The following ANKRD30A variants were observed in gnomAD, a reference collection of about 807,000 sequenced individuals.
The protein encoded by ANKRD30A is ankyrin repeat domain 30A.
Under a neutral mutation model 166.3 loss-of-function variants are expected in ANKRD30A, and 170 were observed. The observed-to-expected ratio is 1.02, with a 90% CI of 0.90 to 1.16. The LOEUF (loss-of-function observed/expected upper bound fraction) is 1.16. ANKRD30A is among the 50% of genes most tolerant of loss of function. ANKRD30A has a pLI of 0.00. For synonymous variants in ANKRD30A, 564 were observed against 508.9 expected, an observed-to-expected ratio of 1.11 and a Z score of -1.46; for missense variants, 1,630 against 1,518.0, an observed-to-expected ratio of 1.07 and a Z score of -1.23.
intron 25 of ANKRD30A, among the ~76,000 whole-genome samples, chr10:37,191,220 G>C (rs71489127): frequency 2.0e-4 from 30 of 151,950 alleles, no homozygotes; most frequent in South Asian, 8.3e-4. Context: ...ATTGAGATGA[G>C]TAAGCTAGAA....
intron 31 of ANKRD30A, among the ~76,000 whole-genome samples, chr10:37,207,144 A>G (rs1312074600): frequency 6.6e-6 from 1 of 152,134 alleles, no homozygotes; most frequent in Non-Finnish European, 1.5e-5. Flanking sequence ...AACAATGAAT[A>G]TTTTATTTAC....
chr10:37,141,613 A>C (rs1837125635), intron 6 of ANKRD30A, 105 bp from the exon 7 acceptor site: 1 of 1,265,406 alleles, frequency 7.9e-7, no homozygotes, highest in Admixed American at 2.6e-5. Flanking sequence ...AAAGTTTGGT[A>C]GTATTTAAGG....
At chr10:37,147,301 A>G in intron 8 of ANKRD30A, 69 bp from the exon 9 acceptor site, 4 of 1,218,186 alleles carry the variant, frequency 3.3e-6, no homozygotes, top group Non-Finnish European at 2.3e-6. Context: ...TTTAAAAAAT[A>G]TTTTAATTAG....
intron 7 of ANKRD30A, 116 bp from the exon 8 acceptor site, chr10:37,144,879 A>T (rs1837388822): frequency 1.5e-6 from 1 of 677,946 alleles, no homozygotes; most frequent in African/African-American, 1.9e-5. Flanking sequence ...CCAATAGAAT[A>T]TACAGGCTAT....
In ANKRD30A at chr10:37,131,194, A is replaced by T. The variant is rs1836360290; in HGVS notation, c.510+816A>T. On this transcript the variant is annotated intron_variant, in intron 3 of 35. Transcript: ENST00000361713. ...ATCCTTCTCAGAATTGTCCCTTAAA[A>T]TTCAAGTGTTTTAGTGGCTTTTATT... Among the ~76,000 whole-genome samples the T allele has an allele frequency of 2.0e-5, 3 of 152,118 alleles. No individual in the cohort carries two copies. In the South Asian group the frequency reaches 6.2e-4, roughly 32 times the overall value.
intron 24 of ANKRD30A, chr10:37,178,671 A>T: frequency 1.2e-6 from 1 of 861,724 alleles, no homozygotes; most frequent in Non-Finnish European, 1.4e-6. Flanking sequence ...GAAATTATAG[A>T]TGGAAGGTAC....
chr10:37,159,075 T>C (rs986933453), intron 15 of ANKRD30A, among the ~76,000 whole-genome samples: 8 of 152,220 alleles, frequency 5.3e-5, no homozygotes, highest in African/African-American at 1.9e-4. Context: ...CAATCATTAC[T>C]TGATGACTCT....
chr10:37,182,939 G>T (rs1409822783), intron 24 of ANKRD30A, among the ~76,000 whole-genome samples: 1 of 151,326 alleles, frequency 6.6e-6, no homozygotes, highest in Non-Finnish European at 1.5e-5. Flanking sequence ...TGTACATATT[G>T]TCCTGGAACT....
chr10:37,125,930 G>C lies in ANKRD30A; in HGVS notation c.143G>C (p.Arg48Pro). Residue 48 changes from arginine to proline, a missense_variant, in exon 1 of 36, where the codon CGG (arginine) becomes CCG (proline). Physicochemically the swap from Arg to Pro is moderately radical, Grantham distance 103 (BLOSUM62 -2). This residue lies in a region of ANKRD30A where 904 missense variants were observed against 818.5 expected (regional missense o/e 1.10). Transcript: ENST00000361713. ...DLRKIHKAAS[R>P]GQVRKLEKMT... The stretch of plus-strand genomic sequence containing the variant: ...AGAAAGATCCATAAAGCTGCCTCCC[G>C]GGGACAAGTCCGGAAGCTGGAGAAG... 2 of 1,611,230 alleles carry C rather than the reference G, an allele frequency of 1.2e-6. No homozygotes were observed. The highest frequency in any genetic ancestry group is 1.7e-6 in the Non-Finnish European group (2 of 1,179,258).
chr10:37,249,150 G>T, the ANKRD30A span, among the ~76,000 whole-genome samples: 1 of 152,146 alleles, frequency 6.6e-6, no homozygotes, highest in Non-Finnish European at 1.5e-5. Context: ...TTCTGAGCCG[G>T]ATATTCCTGA....
chr10:37,126,858 GC>G (rs1437326744), intron 1 of ANKRD30A, among the ~76,000 whole-genome samples: 1 of 151,748 alleles, frequency 6.6e-6, no homozygotes, highest in Admixed American at 6.6e-5. Flanking sequence ...GATCAGCCTG[GC>G]CAATATGGTG....
intron 31 of ANKRD30A, among the ~76,000 whole-genome samples, chr10:37,201,598 G>C (rs1841632165): frequency 6.6e-6 from 1 of 152,046 alleles, no homozygotes; most frequent in African/African-American, 2.4e-5. Flanking sequence ...AGTAGTAAAA[G>C]AGGAAATGAA....
intron 25 of ANKRD30A, among the ~76,000 whole-genome samples, chr10:37,192,563 C>T (rs1840687514): frequency 1.3e-5 from 2 of 152,038 alleles, no homozygotes; most frequent in Admixed American, 1.3e-4. Flanking sequence ...TTTGAACTCT[C>T]ATCACAACTT....
At chr10:37,233,292 G>A (rs1843535666), downstream of ANKRD30A, among the ~76,000 whole-genome samples, 1 of 152,064 alleles carries the variant, frequency 6.6e-6, no homozygotes, top group Non-Finnish European at 1.5e-5. Context: ...ATATGGTCAG[G>A]GTCTAAGTGC....
chr10:37,233,132 C>A (rs1843529002), downstream of ANKRD30A, among the ~76,000 whole-genome samples: 1 of 151,922 alleles, frequency 6.6e-6, no homozygotes. Context: ...CTAAAAAATT[C>A]TAGAGGAGCA....
At chr10:37,193,771 A>G (rs548719852) in intron 27 of ANKRD30A, among the ~76,000 whole-genome samples, 91 of 152,148 alleles carry the variant, frequency 6.0e-4, no homozygotes, top group African/African-American at 2.1e-3. Context: ...TCTTGTCTAG[A>G]CACGGTGTTT....
chr10:37,146,500 C>A (rs1352945650), intron 8 of ANKRD30A, among the ~76,000 whole-genome samples: 1 of 152,124 alleles, frequency 6.6e-6, no homozygotes, highest in East Asian at 1.9e-4. Flanking sequence ...CTGTCCCTTG[C>A]AGACCCCTGA....
intron 27 of ANKRD30A, among the ~76,000 whole-genome samples, chr10:37,194,641 G>A (rs531008983): frequency 5.1e-4 from 77 of 152,226 alleles, no homozygotes; most frequent in African/African-American, 1.3e-3. Context: ...CACCGTGCCC[G>A]GCCGATGTCT....
chr10:37,131,020 G>A (rs1836350733), intron 3 of ANKRD30A, among the ~76,000 whole-genome samples: 2 of 152,034 alleles, frequency 1.3e-5, no homozygotes, highest in Admixed American at 6.6e-5. Flanking sequence ...TAATAATGGG[G>A]TTGACTTCTA....
Sources: allele counts gnomAD v4.1 joint callset (sites outside exome capture counted in the v4.1 genomes callset), GRCh38; gene constraint gnomAD v4.1.1; regional missense constraint gnomAD v4.1.1; transcripts MANE v1.5; gene names NCBI Gene and HGNC (gene_info 2026-07-23, HGNC 2026-07-21).